VPS13A: variants seen among roughly 807,000 people sequenced by gnomAD.
VPS13A encodes the protein vacuolar protein sorting 13 homolog A.
Under a neutral mutation model 390.9 loss-of-function variants are expected in VPS13A, and 264 were observed. That is an observed-to-expected ratio of 0.68 (90% CI 0.61 to 0.75). VPS13A has a LOEUF of 0.75. VPS13A is among the 30% of genes least tolerant of loss of function. VPS13A has a pLI of 0.00. For synonymous variants in VPS13A, 1,231 were observed against 1,227.1 expected (o/e 1.00, Z -0.07); for missense variants, 3,409 against 3,733.9 (o/e 0.91, Z 2.27).
chr9:77,356,233 T>A (rs976286844), intron 54 of VPS13A, among the ~76,000 whole-genome samples: 1 of 152,162 alleles, frequency 6.6e-6, no homozygotes, highest in African/African-American at 2.4e-5. Context: ...AATGTTTTCC[T>A]CCTCTTGTCT....
intron 34 of VPS13A, among the ~76,000 whole-genome samples, chr9:77,303,467 G>A (rs1332372772): frequency 6.6e-6 from 1 of 152,066 alleles, no homozygotes; most frequent in East Asian, 1.9e-4. Context: ...ATTTCTAGTC[G>A]GGTGGGATGA....
chr9:77,379,433 T>A (rs1359771149), intron 67 of VPS13A, among the ~76,000 whole-genome samples: 2 of 151,976 alleles, frequency 1.3e-5, no homozygotes, highest in Non-Finnish European at 2.9e-5. Context: ...AGAGACAGGG[T>A]TTCTCCATGT....
intron 2 of VPS13A, among the ~76,000 whole-genome samples, chr9:77,200,974 G>A (rs1589987432): frequency 6.6e-6 from 1 of 152,064 alleles, no homozygotes; most frequent in Non-Finnish European, 1.5e-5. Flanking sequence ...TGGGGAGAAC[G>A]TTTTGAAAGT....
chr9:77,258,153 T>A (rs1367595678), intron 22 of VPS13A, among the ~76,000 whole-genome samples: 2 of 152,212 alleles, frequency 1.3e-5, no homozygotes, highest in Non-Finnish European at 2.9e-5. Context: ...AACTTCTTCC[T>A]TGTAACAGCA....
intron 70 of VPS13A, 86 bp downstream of exon 70, chr9:77,406,073 C>T (rs1246876739): frequency 2.6e-6 from 4 of 1,541,474 alleles, no homozygotes; most frequent in African/African-American, 2.7e-5. Context: ...AATGCTCTAC[C>T]TCTTTTATAG....
At chr9:77,329,045 T>C (rs1348024485) in intron 45 of VPS13A, among the ~76,000 whole-genome samples, 1 of 152,146 alleles carries the variant, frequency 6.6e-6, no homozygotes, top group African/African-American at 2.4e-5. Context: ...TCGTGAGAAC[T>C]CATTCACCAT....
Position 77,315,451 on chromosome 9 carries a change from A to G in VPS13A, c.4611A>G (p.Thr1537=). The G allele has an allele frequency of 6.2e-7, 1 of 1,613,918 alleles. No homozygotes were observed. ...TGTAVETSVQ[T]WTAKEEVPTQ... is the part of the protein sequence containing the mutation. The stretch of plus-strand genomic sequence containing the variant: ...CTGCTGTAGAAACCAGTGTGCAAAC[A>G]TGGACTGCTAAGGAAGAAGGTTAGT... The change falls in exon 38 of 72, where the codon ACA becomes ACG. Residue 1537 remains threonine (T), a synonymous_variant. Transcript: ENST00000360280.
chr9:77,349,805 G>A lies in VPS13A; in HGVS notation c.7290-1512G>A, dbSNP rs187956374. 1.1e-4 allele frequency among the ~76,000 whole-genome samples: 16 copies of A among 151,924 alleles called. No homozygotes were observed. In the East Asian group the frequency reaches 2.5e-3, roughly 24 times the overall value. Reference sequence around the variant, plus strand: ...ATTACAGGTGCGCGCCACTATGCCCGGCTAATTTTCATATTTATAGTAGAG... The same window carrying A: ...ATTACAGGTGCGCGCCACTATGCCCAGCTAATTTTCATATTTATAGTAGAG... On this transcript the variant is annotated intron_variant, in intron 52 of 71. Coordinates refer to ENST00000360280, the MANE Select transcript of VPS13A (RefSeq NM_033305.3).
At chr9:77,293,868 G>A (rs191875464) in intron 32 of VPS13A, among the ~76,000 whole-genome samples, 1 of 152,092 alleles carries the variant, frequency 6.6e-6, no homozygotes, top group Admixed American at 6.6e-5. Context: ...ATATATAATT[G>A]AAGTTTGTTT....
intron 16 of VPS13A, 25 bp downstream of exon 16, chr9:77,227,510 C>A: frequency 1.3e-6 from 2 of 1,495,518 alleles, no homozygotes; most frequent in South Asian, 1.1e-5. Context: ...TGCCTTATAC[C>A]TTAGAATATA....
chr9:77,380,149 A>G (rs762890986), intron 67 of VPS13A, among the ~76,000 whole-genome samples: 6 of 151,846 alleles, frequency 4.0e-5, no homozygotes, highest in Non-Finnish European at 7.4e-5. Flanking sequence ...TTTTTCTGAC[A>G]TTAGCATGGC....
intron 68 of VPS13A, among the ~76,000 whole-genome samples, chr9:77,392,414 A>G (rs1410790517): frequency 6.6e-6 from 1 of 152,184 alleles, no homozygotes; most frequent in Non-Finnish European, 1.5e-5. Flanking sequence ...CCTGAGTTCA[A>G]TTGTAGCCTT....
intron 71 of VPS13A, among the ~76,000 whole-genome samples, chr9:77,411,401 C>A (rs564360778): frequency 6.6e-6 from 1 of 152,084 alleles, no homozygotes; most frequent in African/African-American, 2.4e-5. Context: ...CAGTGGCTCA[C>A]GCCTGTAATC....
intron 45 of VPS13A, 85 bp from the exon 46 acceptor site, chr9:77,331,925 A>C: frequency 1.1e-6 from 1 of 872,108 alleles, no homozygotes; most frequent in Admixed American, 1.8e-5. Flanking sequence ...TCCTTTGTTA[A>C]GATAGTTACA....
intron 1 of VPS13A, among the ~76,000 whole-genome samples, chr9:77,187,608 TACACACACACACAC>T (rs34649735): frequency 6.8e-6 from 1 of 148,020 alleles, no homozygotes; most frequent in Non-Finnish European, 1.5e-5. Context: ...CATACAAACA[TACACACACACACAC>T]ACACACACAC....
At position 77,275,670 on chromosome 9, in the gene VPS13A, A is replaced by AT. The variant is rs778620969; in HGVS notation, c.2667+20dup. On this transcript the variant is annotated intron_variant, in intron 25 of 71. Transcript: ENST00000360280. ...TACCAAAGGTAGGTACTACGGTAAA[A>AT]TTAACATGGCTTAATTTGTTTGCTG... 6.2e-7 allele frequency: 1 copy of AT among 1,609,916 alleles called. No individual in the cohort carries two copies. The highest frequency in any genetic ancestry group is 1.1e-5 in the South Asian group (1 of 90,914).
intron 23 of VPS13A, among the ~76,000 whole-genome samples, chr9:77,270,939 A>G (rs984395361): frequency 1.3e-5 from 2 of 152,334 alleles, no homozygotes; most frequent in South Asian, 2.1e-4. Flanking sequence ...AAAATTTTGA[A>G]TCCTTGCAGT....
At chr9:77,387,442 T>C (rs1284257676) in intron 68 of VPS13A, among the ~76,000 whole-genome samples, 5 of 152,228 alleles carry the variant, frequency 3.3e-5, no homozygotes, top group Non-Finnish European at 5.9e-5. Context: ...TGCTTATGTA[T>C]AGAAAATGGG....
intron 1 of VPS13A, among the ~76,000 whole-genome samples, chr9:77,194,058 G>A (rs1359472571): frequency 6.6e-6 from 1 of 152,098 alleles, no homozygotes; most frequent in Non-Finnish European, 1.5e-5. Flanking sequence ...TCTGATGGTG[G>A]GGCCGGCAAA....
Sources: allele counts gnomAD v4.1 joint callset (sites outside exome capture counted in the v4.1 genomes callset), GRCh38; gene constraint gnomAD v4.1.1; transcripts MANE v1.5; gene names NCBI Gene and HGNC (gene_info 2026-07-23, HGNC 2026-07-21).